ZNF536: variants seen among roughly 807,000 people sequenced by gnomAD.
The protein encoded by ZNF536 is zinc finger protein 536.
In ZNF536, 13 loss-of-function variants were observed where a neutral mutation model predicts 84.5. The ratio of observed to expected loss-of-function variants is 0.15; its 90% CI spans 0.10 to 0.24. The LOEUF is 0.24. Ranked by LOEUF, ZNF536 falls within the 10% of genes least tolerant of loss-of-function variation. ZNF536 has a pLI of 1.00. For missense variants in ZNF536, 1,536 were observed against 1,747.5 expected, an observed-to-expected ratio of 0.88 and a Z score of 2.16; for synonymous variants, 811 against 742.5, an observed-to-expected ratio of 1.09 and a Z score of -1.50.
intron 1 of ZNF536, among the ~76,000 whole-genome samples, chr19:30,577,546 G>C (rs188496151): frequency 6.6e-6 from 1 of 152,114 alleles, no homozygotes; most frequent in Non-Finnish European, 1.5e-5. Context: ...TTTAAAGCGC[G>C]TTTTTAGATA....
At chr19:30,693,023 G>GAGA (rs933138571) in intron 1 of ZNF536, among the ~76,000 whole-genome samples, 1 of 148,268 alleles carries the variant, frequency 6.7e-6, no homozygotes, top group Non-Finnish European at 1.5e-5. Context: ...AACCTGGGGG[G>GAGA]GAGAGAGAGA....
rs533421193 is a variant in ZNF536 at position 30,502,797 on chromosome 19, C to T, written c.2171-32050C>T. Among the ~76,000 whole-genome samples, 365 of 152,228 alleles carry T rather than the reference C, an allele frequency of 2.4e-3. 2 individuals are homozygous for T. Among genetic ancestry groups the T allele is most frequent in the Non-Finnish European group, 1.5e-3 (101 of 68,024 alleles). ...ACACCAGTGAGATGTCCCTGAGCCA[C>T]GGGAAAGAGCTTGGGGACACTGCTG... is the stretch of plus-strand genomic sequence containing the variant. On this transcript the variant is annotated intron_variant, in intron 2 of 4. Transcript: ENST00000355537.
chr19:30,552,050 T>C (rs2045806025), intron 4 of ZNF536, among the ~76,000 whole-genome samples: 1 of 152,120 alleles, frequency 6.6e-6, no homozygotes, highest in East Asian at 1.9e-4. Flanking sequence ...TTTTCTTAAA[T>C]AGTGTAATTC....
In ZNF536 at chr19:30,507,087, C is replaced by T. The variant is rs927893159; in HGVS notation, c.2171-27760C>T. Among the ~76,000 whole-genome samples the T allele has an allele frequency of 3.9e-5, 6 of 152,148 alleles. 1 individual carries two copies. The highest frequency in any genetic ancestry group is 2.6e-4 in the Admixed American group (4 of 15,280). On this transcript the variant is annotated intron_variant, in intron 2 of 4. Coordinates refer to ENST00000355537, the MANE Select transcript of ZNF536 (RefSeq NM_014717.3). ...TGTCAAAAATACAGACCTGGCTGGG[C>T]GTGGTGGCTCACGCCTATAATCCCA...
At chr19:30,234,109 A>G (rs145477555) in intron 1 of ZNF536, among the ~76,000 whole-genome samples, 2,023 of 152,308 alleles carry the variant, frequency 0.013, 13 homozygotes, top group Middle Eastern at 0.044. Flanking sequence ...TCTACCTACT[A>G]TTCTTAGTCT....
intron 1 of ZNF536, among the ~76,000 whole-genome samples, chr19:30,232,822 T>C (rs1447850055): frequency 6.6e-6 from 1 of 152,144 alleles, no homozygotes; most frequent in Non-Finnish European, 1.5e-5. Context: ...TGTAGGATGT[T>C]TGGGAGCGTC....
At chr19:30,394,403 C>T (rs2049725760) in intron 1 of ZNF536, among the ~76,000 whole-genome samples, 1 of 152,122 alleles carries the variant, frequency 6.6e-6, no homozygotes, top group Non-Finnish European at 1.5e-5. Context: ...TTTGCATTTG[C>T]AAATGCTCAT....
intron 1 of ZNF536, among the ~76,000 whole-genome samples, chr19:30,643,664 G>T (rs182857153): frequency 8.5e-5 from 13 of 152,132 alleles, no homozygotes; most frequent in African/African-American, 1.4e-4. Flanking sequence ...CTGCAGGGGG[G>T]GGTTTTGGGG....
In ZNF536 at chr19:30,423,105, A is replaced by ACATCCATCCATCCATG. The variant is rs1387706844; in HGVS notation, c.-2-20440_-2-20425dup. On this transcript the variant is annotated intron_variant, in intron 1 of 4. Transcript: ENST00000355537. Reference sequence around the variant, plus strand: ...TCCCTCCCTTCATCTGCTCATCTACACATCCATCCATCCATGCATCCATCC... The same window carrying ACATCCATCCATCCATG: ...TCCCTCCCTTCATCTGCTCATCTACACATCCATCCATCCATGCATCCATCCATCCATGCATCCATCC... Among the ~76,000 whole-genome samples the ACATCCATCCATCCATG allele has an allele frequency of 5.2e-3, 219 of 41,884 alleles. 8 individuals are homozygous for ACATCCATCCATCCATG. The highest frequency in any genetic ancestry group is 0.026 in the African/African-American group (206 of 8,028). 27.5% of individuals were successfully genotyped at this position (41,884 alleles called of 152,430 possible).
intron 2 of ZNF536, among the ~76,000 whole-genome samples, chr19:30,492,368 G>A (rs375981374): frequency 1.3e-5 from 2 of 152,076 alleles, no homozygotes; most frequent in East Asian, 1.9e-4. Flanking sequence ...CATGTATCTC[G>A]TACAGTCAGA....
At chr19:30,594,629 C>A (rs1252835690) in intron 1 of ZNF536, among the ~76,000 whole-genome samples, 9 of 152,146 alleles carry the variant, frequency 5.9e-5, no homozygotes, top group Admixed American at 5.9e-4. Context: ...CCCGTGGAGC[C>A]TGCTGGAGAG....
At chr19:30,373,536 T>C (rs891495880) in intron 1 of ZNF536, among the ~76,000 whole-genome samples, 3 of 152,198 alleles carry the variant, frequency 2.0e-5, no homozygotes, top group Admixed American at 6.5e-5. Flanking sequence ...TGTGTCTTCC[T>C]AGTGGTAAAA....
chr19:30,628,730 G>T (rs1024862969), intron 1 of ZNF536, among the ~76,000 whole-genome samples: 1 of 151,886 alleles, frequency 6.6e-6, no homozygotes, highest in African/African-American at 2.4e-5. Flanking sequence ...ACGGAGTCTC[G>T]CTTTGGAGCC....
At chr19:30,326,613 G>T (rs1446474139) in intron 2 of ZNF536, among the ~76,000 whole-genome samples, 1 of 151,924 alleles carries the variant, frequency 6.6e-6, no homozygotes, top group Non-Finnish European at 1.5e-5. Flanking sequence ...AAATGAAAAC[G>T]TATGTGAAGC....
chr19:30,632,226 C>T (rs529760923), intron 1 of ZNF536, among the ~76,000 whole-genome samples: 13 of 152,100 alleles, frequency 8.5e-5, no homozygotes, highest in East Asian at 1.9e-4. Context: ...GTGCTGGGGA[C>T]GCATTTTCTG....
chr19:30,334,185 A>G (rs2047305702), intron 2 of ZNF536, among the ~76,000 whole-genome samples: 1 of 152,176 alleles, frequency 6.6e-6, no homozygotes, highest in Non-Finnish European at 1.5e-5. Flanking sequence ...GGGGTTCTAG[A>G]ACATTCTCTT....
At chr19:30,639,378 T>C (rs908376920) in intron 1 of ZNF536, among the ~76,000 whole-genome samples, 2 of 152,212 alleles carry the variant, frequency 1.3e-5, no homozygotes, top group African/African-American at 4.8e-5. Flanking sequence ...AGAGTATTAA[T>C]GGGACATTTT....
chr19:30,369,793 A>G (rs1279153908), upstream of ZNF536, among the ~76,000 whole-genome samples: 1 of 152,186 alleles, frequency 6.6e-6, no homozygotes, highest in Non-Finnish European at 1.5e-5. Flanking sequence ...TGCAATCAGA[A>G]TAAAGTGTTT....
At chr19:30,555,652 A>G (rs1335775884) in intron 4 of ZNF536, 1 of 152,222 alleles carries the variant, frequency 6.6e-6, no homozygotes, top group Non-Finnish European at 1.5e-5. Context: ...GCAGTCAATT[A>G]GAGACTTGGA....
Sources: allele counts gnomAD v4.1 joint callset (sites outside exome capture counted in the v4.1 genomes callset), GRCh38; gene constraint gnomAD v4.1.1; transcripts MANE v1.5; gene names NCBI Gene and HGNC (gene_info 2026-07-23, HGNC 2026-07-21).